NIPAL2: variants seen among roughly 807,000 people sequenced by gnomAD.
NIPAL2 encodes NIPA like domain containing 2.
A neutral mutation model predicts 48.9 loss-of-function variants in NIPAL2; 43 were observed. The observed-to-expected ratio is 0.88, with a 90% CI of 0.69 to 1.13. The LOEUF (loss-of-function observed/expected upper bound fraction) is 1.13. Ranked by LOEUF, NIPAL2 falls within the 50% of genes most tolerant of loss-of-function variation. The probability of loss-of-function intolerance (pLI) is 0.00; values close to 1 mark genes in which losing one functional copy is unlikely to be tolerated. For synonymous variants in NIPAL2, 167 were observed against 174.6 expected, an observed-to-expected ratio of 0.96 and a Z score of 0.34; for missense variants, 446 against 461.4, an observed-to-expected ratio of 0.97 and a Z score of 0.31.
At chr8:98,262,476 A>G (rs1814412900) in intron 1 of NIPAL2, among the ~76,000 whole-genome samples, 1 of 152,070 alleles carries the variant, frequency 6.6e-6, no homozygotes, top group Admixed American at 6.6e-5. Context: ...AGGGGGTGCA[A>G]TCCTAGTCTC....
chr8:98,202,622 G>T (rs1057023205), intron 8 of NIPAL2, among the ~76,000 whole-genome samples: 2 of 152,260 alleles, frequency 1.3e-5, no homozygotes, highest in African/African-American at 4.8e-5. Context: ...TCTACCATGA[G>T]TAAAAGCTTC....
intron 3 of NIPAL2, among the ~76,000 whole-genome samples, chr8:98,240,492 A>G (rs1395833751): frequency 6.6e-6 from 1 of 151,910 alleles, no homozygotes; most frequent in African/African-American, 2.4e-5. Flanking sequence ...AGATGTTTAT[A>G]AAATGTGACA....
chr8:98,199,430 A>G (rs1810706460), intron 8 of NIPAL2, among the ~76,000 whole-genome samples: 1 of 152,116 alleles, frequency 6.6e-6, no homozygotes, highest in Admixed American at 6.5e-5. Context: ...GTTACAGGCC[A>G]TTGTAGGGTT....
chr8:98,278,651 A>C (rs974122637), intron 1 of NIPAL2, among the ~76,000 whole-genome samples: 1 of 152,190 alleles, frequency 6.6e-6, no homozygotes, highest in South Asian at 2.1e-4. Context: ...CTAGACTATA[A>C]GCTCCTTGAA....
intron 1 of NIPAL2, among the ~76,000 whole-genome samples, chr8:98,282,114 G>A (rs1815864474): frequency 6.6e-6 from 1 of 152,192 alleles, no homozygotes; most frequent in Admixed American, 6.5e-5. Flanking sequence ...CTACTCCAGG[G>A]ATGGAGTTAG....
intron 5 of NIPAL2, among the ~76,000 whole-genome samples, chr8:98,219,825 G>A (rs184959718): frequency 9.2e-5 from 14 of 152,174 alleles, no homozygotes; most frequent in East Asian, 3.9e-4. Context: ...GCCACATAAC[G>A]CAGTGCTGTT....
rs575051791 is a variant in NIPAL2 at position 98,245,722 on chromosome 8, T to C, written c.376+6741A>G. 2.0e-5 allele frequency among the ~76,000 whole-genome samples: 3 copies of C among 152,362 alleles called. No individual in the cohort carries two copies. In the South Asian group the frequency reaches 6.2e-4, roughly 32 times the overall value. ...ATTAGCAGCCTCTCTAGAAATACTC[T>C]TGTGGCATGCTGAAAAAATAAGGAT... On this transcript the variant is annotated intron_variant, in intron 3 of 10. Transcript: ENST00000430223.
chr8:98,214,238 A>T (rs1811463347), intron 5 of NIPAL2, among the ~76,000 whole-genome samples: 1 of 151,076 alleles, frequency 6.6e-6, no homozygotes. Context: ...ACCTCAGATC[A>T]CTTAAACCTC....
At chr8:98,277,250 C>T (rs923895850) in intron 1 of NIPAL2, among the ~76,000 whole-genome samples, 3 of 152,124 alleles carry the variant, frequency 2.0e-5, no homozygotes, top group Admixed American at 6.6e-5. Context: ...ATCACCTGGG[C>T]GGACACAGTG....
intron 6 of NIPAL2, among the ~76,000 whole-genome samples, chr8:98,206,066 A>G (rs988175483): frequency 6.6e-6 from 1 of 152,232 alleles, no homozygotes; most frequent in Admixed American, 6.5e-5. Flanking sequence ...TGGCAACATC[A>G]TCTTTCTGTA....
intron 1 of NIPAL2, among the ~76,000 whole-genome samples, chr8:98,272,030 C>T (rs185121896): frequency 6.6e-6 from 1 of 152,064 alleles, no homozygotes; most frequent in Admixed American, 6.6e-5. Flanking sequence ...CAAATTTGCA[C>T]CCCAGGAATA....
intron 1 of NIPAL2, among the ~76,000 whole-genome samples, chr8:98,281,887 A>T (rs926774097): frequency 2.6e-5 from 4 of 152,236 alleles, no homozygotes; most frequent in African/African-American, 9.6e-5. Flanking sequence ...GGAGGCTAGA[A>T]GTCCAAATTC....
At chr8:98,242,234 C>T (rs1475292796) in intron 3 of NIPAL2, among the ~76,000 whole-genome samples, 1 of 151,982 alleles carries the variant, frequency 6.6e-6, no homozygotes, top group African/African-American at 2.4e-5. Context: ...GGCTGGAGTG[C>T]AGTGGCGCAA....
chr8:98,223,868 C>A (rs1217474304), intron 4 of NIPAL2, among the ~76,000 whole-genome samples: 1 of 151,964 alleles, frequency 6.6e-6, no homozygotes, highest in Non-Finnish European at 1.5e-5. Context: ...AATAATAAAA[C>A]CATATATAAG....
chr8:98,227,848 G>A (rs1455055985), intron 4 of NIPAL2, among the ~76,000 whole-genome samples: 2 of 152,166 alleles, frequency 1.3e-5, no homozygotes, highest in South Asian at 2.1e-4. Flanking sequence ...AGTTCTTGTG[G>A]CCTAGAGAGC....
chr8:98,217,113 G>T, intron 5 of NIPAL2: 3 of 985,466 alleles, frequency 3.0e-6, no homozygotes, highest in South Asian at 9.4e-5. Context: ...CAGCAGACAG[G>T]CTGGGAAAGG....
At chr8:98,286,673 G>T (rs1458483432) in intron 1 of NIPAL2, among the ~76,000 whole-genome samples, 2 of 151,902 alleles carry the variant, frequency 1.3e-5, no homozygotes, top group Non-Finnish European at 2.9e-5. Flanking sequence ...TCTGGGCGTG[G>T]TGGTACACGC....
intron 5 of NIPAL2, among the ~76,000 whole-genome samples, chr8:98,219,364 G>T (rs1374830517): frequency 1.3e-5 from 2 of 152,064 alleles, no homozygotes; most frequent in Non-Finnish European, 2.9e-5. Context: ...ATCAATAGAA[G>T]CAAGGCAGAG....
intron 7 of NIPAL2, among the ~76,000 whole-genome samples, chr8:98,203,820 T>G (rs564290822): frequency 2.2e-4 from 33 of 150,370 alleles, no homozygotes; most frequent in African/African-American, 8.1e-4. Context: ...CTAGAGAAAT[T>G]GAAAAAAGTA....
Sources: allele counts gnomAD v4.1 joint callset (sites outside exome capture counted in the v4.1 genomes callset), GRCh38; gene constraint gnomAD v4.1.1; transcripts MANE v1.5; gene names NCBI Gene and HGNC (gene_info 2026-07-23, HGNC 2026-07-21).